MAP1A: variants seen among roughly 807,000 people sequenced by gnomAD.
The protein encoded by MAP1A is microtubule-associated protein 1A.
Under a neutral mutation model 185.9 loss-of-function variants are expected in MAP1A, and 42 were observed. The observed-to-expected ratio is 0.23, with a 90% CI of 0.18 to 0.29. The LOEUF (loss-of-function observed/expected upper bound fraction) is 0.29, where lower values mean the gene tolerates loss of function less well. MAP1A is among the 10% of genes least tolerant of loss of function. The pLI, the probability that MAP1A is intolerant of heterozygous loss-of-function variation, is 1.00. For missense variants in MAP1A, 2,995 were observed against 3,450.4 expected (o/e 0.87, Z 3.31); for synonymous variants, 1,229 against 1,335.9 (o/e 0.92, Z 1.74).
Position 43,522,265 on chromosome 15 carries a change from T to C in MAP1A, c.792T>C (p.Arg264=). 6 of 1,614,194 alleles carry C rather than the reference T, an allele frequency of 3.7e-6. No individual in the cohort carries two copies. Among genetic ancestry groups the C allele is most frequent in the Non-Finnish European group, 5.1e-6 (6 of 1,180,032 alleles). The stretch of plus-strand genomic sequence containing the variant: ...CCAATCCCACTGAGAAGATTGTGCG[T>C]GTGCTTTTTCCAGGAAATGCTCCCC... ...LPANPTEKIV[R]VLFPGNAPQN... Residue 264 remains arginine, a synonymous_variant, in exon 4 of 6, where the codon CGT becomes CGC. Coordinates refer to ENST00000300231, the MANE Select transcript of MAP1A (RefSeq NM_002373.6). The surrounding 1 kb of genome is among the most constrained non-coding windows in gnomAD (Gnocchi z 5.9).
At chr15:43,519,643 C>T (rs969653255) in intron 1 of MAP1A, among the ~76,000 whole-genome samples, 2 of 152,210 alleles carry the variant, frequency 1.3e-5, no homozygotes, top group Admixed American at 1.3e-4. Flanking sequence ...CATCTTCTGT[C>T]TCATTTGCCA....
In MAP1A at chr15:43,526,771, G is replaced by T. The variant is rs1483117169; in HGVS notation, c.5298G>T (p.Gly1766=). The T allele has an allele frequency of 1.9e-6, 3 of 1,614,048 alleles. No homozygotes were observed. The African/African-American group carries it at 4.0e-5, about 22-fold the overall frequency. Residue 1766 remains glycine (G), a synonymous_variant, in exon 4 of 6, where the codon GGG becomes GGT. Coordinates refer to ENST00000300231, the MANE Select transcript of MAP1A (RefSeq NM_002373.6). This position sits in a 1 kb window ranked among gnomAD's most constrained non-coding sequence, Gnocchi z 4.7. ...KDFQESSPQK[G]LEVERWLAES... is the part of the protein sequence containing the mutation. Reference sequence around the variant, plus strand: ...TCCAGGAATCCTCACCACAGAAGGGGCTAGAGGTGGAGCGCTGGCTTGCTG... The same window carrying T: ...TCCAGGAATCCTCACCACAGAAGGGTCTAGAGGTGGAGCGCTGGCTTGCTG...
rs757704711 is a variant in MAP1A at position 43,522,383 on chromosome 15, G to C, written c.910G>C (p.Val304Leu). ...ATQKDLASGA[V>L]PTNLKPSKIK... Reference sequence around the variant, plus strand: ...GCAGAAGGACCTGGCTTCTGGGGCTGTGCCTACCAACCTCAAGCCCAGCAA... The same window carrying C: ...GCAGAAGGACCTGGCTTCTGGGGCTCTGCCTACCAACCTCAAGCCCAGCAA... Residue 304 changes from valine to leucine, a missense_variant, in exon 4 of 6, where the codon GTG becomes CTG. Val to Leu is a conservative substitution (Grantham distance 32). Around this residue, in one of 3 missense-constraint regions of MAP1A, gnomAD observed 264 missense variants for 435.3 expected, o/e 0.61. Coordinates refer to ENST00000300231, the MANE Select transcript of MAP1A (RefSeq NM_002373.6). This position sits in a 1 kb window ranked among gnomAD's most constrained non-coding sequence, Gnocchi z 5.9. The C allele has an allele frequency of 3.1e-6, 5 of 1,614,046 alleles. No individual in the cohort carries two copies. Among genetic ancestry groups the C allele is most frequent in the Non-Finnish European group, 4.2e-6 (5 of 1,180,034 alleles).
rs867121931 is a variant in MAP1A, at chr15:43,530,373, A to C, written c.*149A>C. 26 of 962,892 alleles carry C rather than the reference A, an allele frequency of 2.7e-5. No homozygotes were observed. The Middle Eastern group carries it at 1.0e-3, about 37-fold the overall frequency. The allele number at this position is 962,892 out of a possible 1,614,324, so 59.6% of individuals were successfully genotyped here. A position where few individuals can be genotyped will look rare whatever the true frequency, so the allele number is the denominator to read the frequency against. On this transcript the variant is annotated 3_prime_UTR_variant, in exon 6 of 6. Coordinates refer to ENST00000300231, the MANE Select transcript of MAP1A (RefSeq NM_002373.6). ...GGGGACTTGGGCTGGGCTAAATGGG[A>C]GGGGTTGTCCCTCCCCATCATCCAT... is the stretch of plus-strand genomic sequence containing the variant.
chr15:43,518,231 G>A (rs181614190), intron 1 of MAP1A, among the ~76,000 whole-genome samples: 20 of 152,192 alleles, frequency 1.3e-4, no homozygotes, highest in Admixed American at 7.8e-4. Context: ...GACGTGGCAC[G>A]CGCCTCCTTA....
At chr15:43,511,324 T>A in intron 1 of MAP1A, 1 of 906,662 alleles carries the variant, frequency 1.1e-6, no homozygotes, top group South Asian at 1.6e-5. Flanking sequence ...TCTCCATCCC[T>A]AGTGTGCACT....
rs748609378 is a variant in MAP1A at position 43,523,242 on chromosome 15, T to G, written c.1769T>G (p.Met590Arg). 7 of 1,613,518 alleles carry G rather than the reference T, an allele frequency of 4.3e-6. No homozygotes were observed. The Admixed American group carries it at 1.0e-4, about 23-fold the overall frequency. ...GGGCTGGGACAAGAAGAACATGTGA[T>G]GAAGGAGAAAGAGCTTGTCCCAGAG... ...VPGLGQEEHVMKEKELVPEVP... is the reference protein window; with the variant it reads ...VPGLGQEEHVRKEKELVPEVP... Residue 590 changes from methionine to arginine, a missense_variant, in exon 4 of 6, where the codon ATG becomes AGG. Around this residue, in one of 3 missense-constraint regions of MAP1A, gnomAD observed 2,728 missense variants for 2,986.0 expected, o/e 0.91. Transcript: ENST00000300231.
Position 43,529,356 on chromosome 15 carries a change from G to A in MAP1A, c.7883G>A (p.Arg2628His), listed in dbSNP as rs368937521. 5.0e-6 allele frequency: 8 copies of A among 1,613,940 alleles called. No individual in the cohort carries two copies. In the East Asian group the frequency reaches 6.7e-5, roughly 13 times the overall value. ...CGGCGTCTGGATCTTCGGGGAAAAC[G>A]CTCACCCACCCCTGGTAAAGGGCCT... ...PARRLDLRGK[R>H]SPTPGKGPAD... Residue 2628 changes from arginine (R) to histidine (H), a missense_variant, in exon 4 of 6, where the codon CGC becomes CAC. Around this residue, in one of 3 missense-constraint regions of MAP1A, gnomAD observed 2,728 missense variants for 2,986.0 expected, o/e 0.91. Transcript: ENST00000300231. This position sits in a 1 kb window ranked among gnomAD's most constrained non-coding sequence, Gnocchi z 4.3.
rs1438882646 is a variant in MAP1A, at chr15:43,530,068, G to A, written c.8257-1G>A. On this transcript the variant is annotated splice_acceptor_variant, in intron 5 of 5. Coordinates refer to ENST00000300231, the MANE Select transcript of MAP1A (RefSeq NM_002373.6). LOFTEE classifies it high-confidence loss of function. ...TCAGACATATCTTATCTCCCTTCTA[G>A]GTGACTCTGATCCCTACTCATGACA... The A allele has an allele frequency of 6.2e-7, 1 of 1,614,052 alleles. No individual in the cohort carries two copies. Among genetic ancestry groups the A allele is most frequent in the Non-Finnish European group, 8.5e-7 (1 of 1,179,944 alleles).
chr15:43,525,629 G>C lies in MAP1A; in HGVS notation c.4156G>C (p.Ala1386Pro). 1 of 1,614,224 alleles carries C rather than the reference G, an allele frequency of 6.2e-7. No individual in the cohort carries two copies. The highest frequency in any genetic ancestry group is 8.5e-7 in the Non-Finnish European group (1 of 1,180,046). The change falls in exon 4 of 6, where the codon GCC becomes CCC. Residue 1386 changes from alanine (A) to proline (P), a missense_variant. Around this residue, in one of 3 missense-constraint regions of MAP1A, gnomAD observed 2,728 missense variants for 2,986.0 expected, o/e 0.91. Transcript: ENST00000300231. ...HKEVVEPKDTAIYQKDEALHV... is the reference protein window; with the variant it reads ...HKEVVEPKDTPIYQKDEALHV... ...GGAGGTGGTAGAGCCGAAGGATACAGCCATCTATCAGAAAGATGAGGCTCT... is the reference window on the plus strand; with the variant it reads ...GGAGGTGGTAGAGCCGAAGGATACACCCATCTATCAGAAAGATGAGGCTCT...
rs760438406 is a variant in MAP1A, at chr15:43,525,647, G to A, written c.4174G>A (p.Glu1392Lys). The change falls in exon 4 of 6, where the codon GAG becomes AAG. Residue 1392 changes from glutamate (E) to lysine (K), a missense_variant. Glu to Lys is a moderately conservative substitution (Grantham distance 56). Coordinates refer to ENST00000300231, the MANE Select transcript of MAP1A (RefSeq NM_002373.6). ...PKDTAIYQKD[E>K]ALHVKNEAVK... ...GGATACAGCCATCTATCAGAAAGATGAGGCTCTGCATGTAAAGAATGAGGC... is the reference window on the plus strand; with the variant it reads ...GGATACAGCCATCTATCAGAAAGATAAGGCTCTGCATGTAAAGAATGAGGC... 5.6e-6 allele frequency: 9 copies of A among 1,614,186 alleles called. No individual in the cohort carries two copies. The Admixed American group carries it at 6.7e-5, about 12-fold the overall frequency.
rs2079357386 is a variant in MAP1A at position 43,528,704 on chromosome 15, C to A, written c.7231C>A (p.Gln2411Lys). 1 of 1,613,834 alleles carries A rather than the reference C, an allele frequency of 6.2e-7. No individual in the cohort carries two copies. Among genetic ancestry groups the A allele is most frequent in the South Asian group, 1.1e-5 (1 of 91,074 alleles). ...GCCTGACACATTGCTCTCCCCTGAG[C>A]AGCCAGTGTGTCCTGCAGGGGGCTC... ...SRPDTLLSPE[Q>K]PVCPAGGSGG... The change falls in exon 4 of 6, where the codon CAG becomes AAG. Residue 2411 changes from glutamine (Q) to lysine (K), a missense_variant. Physicochemically the swap from Gln to Lys is moderately conservative, Grantham distance 53. Coordinates refer to ENST00000300231, the MANE Select transcript of MAP1A (RefSeq NM_002373.6).
In MAP1A at chr15:43,529,589, G is replaced by A. The variant is rs1484046393; in HGVS notation, c.8036-61G>A. On this transcript the variant is annotated intron_variant, in intron 4 of 5. Transcript: ENST00000300231. This position sits in a 1 kb window ranked among gnomAD's most constrained non-coding sequence, Gnocchi z 4.3. ...GTCAGACTTCAGGAGTGGGACAGAG[G>A]GGAAGGTTGCCAAAAGGGTTCTACT... The A allele has an allele frequency of 2.1e-5, 34 of 1,606,438 alleles. No individual in the cohort carries two copies. Among genetic ancestry groups the A allele is most frequent in the Middle Eastern group, 1.7e-4 (1 of 6,034 alleles).
Position 43,527,173 on chromosome 15 carries a change from G to T in MAP1A, c.5700G>T (p.Gly1900=). 6.2e-7 allele frequency: 1 copy of T among 1,613,824 alleles called. No homozygotes were observed. The highest frequency in any genetic ancestry group is 8.5e-7 in the Non-Finnish European group (1 of 1,179,924). Reference sequence around the variant, plus strand: ...AGGGGGCAGCTGAGTTGGAAGGTGGGCCATACTCCCCCCTGGGGAAGGACT... The same window carrying T: ...AGGGGGCAGCTGAGTTGGAAGGTGGTCCATACTCCCCCCTGGGGAAGGACT... ...VQEGAAELEG[G]PYSPLGKDYR... Residue 1900 remains glycine (G), a synonymous_variant, in exon 4 of 6, where the codon GGG becomes GGT. Coordinates refer to ENST00000300231, the MANE Select transcript of MAP1A (RefSeq NM_002373.6).
intron 1 of MAP1A, chr15:43,511,372 G>A: frequency 1.5e-6 from 1 of 653,894 alleles, no homozygotes; most frequent in Non-Finnish European, 2.7e-6. Context: ...CATCTTCCAT[G>A]CCATGTGTCC....
Position 43,526,570 on chromosome 15 carries a change from G to T in MAP1A, c.5097G>T (p.Glu1699Asp). Residue 1699 changes from glutamate to aspartate, a missense_variant, in exon 4 of 6, where the codon GAG becomes GAT. Coordinates refer to ENST00000300231, the MANE Select transcript of MAP1A (RefSeq NM_002373.6). The surrounding 1 kb of genome is among the most constrained non-coding windows in gnomAD (Gnocchi z 4.7). ...TGGAACAGGACACATACTGGAGGGA[G>T]CTAAGCTGTGAGCGGAAGGTCTGGT... ...VALEQDTYWR[E>D]LSCERKVWFP... The T allele has an allele frequency of 1.2e-6, 2 of 1,614,186 alleles. No individual in the cohort carries two copies. The highest frequency in any genetic ancestry group is 2.2e-5 in the South Asian group (2 of 91,088).
At chr15:43,520,854 C>T (rs1191886471) in intron 2 of MAP1A, 118 bp from the exon 3 acceptor site, 2 of 1,300,334 alleles carry the variant, frequency 1.5e-6, no homozygotes, top group African/African-American at 3.0e-5. Context: ...CTCCAGCCCA[C>T]TCTGGAGGTG....
At chr15:43,518,597 G>T (rs1189222165) in intron 1 of MAP1A, among the ~76,000 whole-genome samples, 1 of 151,830 alleles carries the variant, frequency 6.6e-6, no homozygotes, top group African/African-American at 2.4e-5. Context: ...AGCTCAGCGC[G>T]CACACTCACA....
intron 2 of MAP1A, among the ~76,000 whole-genome samples, chr15:43,512,509 C>T (rs2079285791): frequency 6.6e-6 from 1 of 152,162 alleles, no homozygotes; most frequent in Non-Finnish European, 1.5e-5. Flanking sequence ...CATAACTTCT[C>T]CTTGAGAAGA....
Sources: allele counts gnomAD v4.1 joint callset (sites outside exome capture counted in the v4.1 genomes callset), GRCh38; gene constraint gnomAD v4.1.1; regional missense constraint gnomAD v4.1.1; non-coding constraint Gnocchi (gnomAD v3.1); transcripts MANE v1.5; gene names NCBI Gene and HGNC (gene_info 2026-07-23, HGNC 2026-07-21).